Variants in PID1 observed in about 807,000 individuals in gnomAD.
PID1 encodes PTB-containing, cubilin and LRP1-interacting protein.
PID1 carries 10 observed loss-of-function variants against 19.1 expected under a neutral mutation model. The observed-to-expected ratio is 0.52, with a 90% confidence interval of 0.32 to 0.89. The LOEUF is 0.89. PID1 is among the 40% of genes least tolerant of loss of function. The pLI, the probability that PID1 is intolerant of heterozygous loss-of-function variation, is 0.03. For missense variants in PID1, 248 were observed against 285.3 expected, an observed-to-expected ratio of 0.87 and a Z score of 0.94; for synonymous variants, 130 against 116.0, an observed-to-expected ratio of 1.12 and a Z score of -0.78.
intron 2 of PID1, among the ~76,000 whole-genome samples, chr2:229,123,833 A>C (rs909567204): frequency 6.6e-6 from 1 of 152,206 alleles, no homozygotes; most frequent in Non-Finnish European, 1.5e-5. Flanking sequence ...ATGTCTTTTT[A>C]AATCATTTGC....
intron 1 of PID1, among the ~76,000 whole-genome samples, chr2:229,158,938 G>A (rs553958402): frequency 6.6e-6 from 1 of 152,052 alleles, no homozygotes. Flanking sequence ...GTGAAGGGTA[G>A]GGGGGAGCTG....
At chr2:229,036,276 T>C (rs1191938478) in intron 2 of PID1, among the ~76,000 whole-genome samples, 1 of 152,146 alleles carries the variant, frequency 6.6e-6, no homozygotes, top group Non-Finnish European at 1.5e-5. Flanking sequence ...CCTTTATGGT[T>C]GCAATGGCTC....
intron 1 of PID1, among the ~76,000 whole-genome samples, chr2:229,248,784 A>AT (rs1460351755): frequency 6.6e-6 from 1 of 152,178 alleles, no homozygotes; most frequent in Non-Finnish European, 1.5e-5. Context: ...AAGTGCTAAA[A>AT]TCCTCAAAAG....
chr2:229,179,972 A>G (rs1420688918), intron 1 of PID1, among the ~76,000 whole-genome samples: 1 of 152,182 alleles, frequency 6.6e-6, no homozygotes, highest in Admixed American at 6.5e-5. Flanking sequence ...TCCCCCACCC[A>G]GCACAAGACC....
chr2:229,045,867 A>G (rs1272632849), intron 2 of PID1, among the ~76,000 whole-genome samples: 1 of 152,202 alleles, frequency 6.6e-6, no homozygotes. Context: ...TGTCAAGAGC[A>G]GAGAGCCCTT....
chr2:229,042,246 G>A (rs1386517991), intron 2 of PID1, among the ~76,000 whole-genome samples: 2 of 151,846 alleles, frequency 1.3e-5, no homozygotes, highest in African/African-American at 2.4e-5. Context: ...GGGGGAAATG[G>A]GAAAAAGAAA....
intron 2 of PID1, among the ~76,000 whole-genome samples, chr2:229,076,394 T>G (rs949365253): frequency 6.6e-6 from 1 of 152,080 alleles, no homozygotes; most frequent in Non-Finnish European, 1.5e-5. Flanking sequence ...GTTTTTTTTT[T>G]ACTTTTTTTA....
intron 2 of PID1, among the ~76,000 whole-genome samples, chr2:229,089,469 C>T (rs560905104): frequency 1.3e-5 from 2 of 152,264 alleles, no homozygotes; most frequent in Admixed American, 6.5e-5. Flanking sequence ...ATTGGAATAA[C>T]CTTGATCCCT....
At chr2:229,262,346 C>A (rs905917864) in intron 1 of PID1, among the ~76,000 whole-genome samples, 1 of 152,174 alleles carries the variant, frequency 6.6e-6, no homozygotes, top group Non-Finnish European at 1.5e-5. Flanking sequence ...AGCAACACAG[C>A]ACATGTTACA....
intron 2 of PID1, among the ~76,000 whole-genome samples, chr2:229,150,695 C>A (rs926066104): frequency 1.3e-5 from 2 of 152,078 alleles, no homozygotes; most frequent in African/African-American, 4.8e-5. Flanking sequence ...TTGTTTGTTA[C>A]AATATTGCTG....
chr2:229,238,458 A>G (rs1380598521), intron 1 of PID1, among the ~76,000 whole-genome samples: 1 of 152,194 alleles, frequency 6.6e-6, no homozygotes, highest in Admixed American at 6.6e-5. Flanking sequence ...TTTTGAAAGA[A>G]AAGAGGCCAT....
chr2:229,144,381 A>G (rs992845736), intron 2 of PID1, among the ~76,000 whole-genome samples: 1 of 152,140 alleles, frequency 6.6e-6, no homozygotes, highest in African/African-American at 2.4e-5. Flanking sequence ...AGAATACACT[A>G]TGTCATATAA....
At chr2:229,130,150 G>T (rs1689701227) in intron 2 of PID1, among the ~76,000 whole-genome samples, 1 of 152,226 alleles carries the variant, frequency 6.6e-6, no homozygotes, top group South Asian at 2.1e-4. Context: ...AACTTTGGTT[G>T]TAATTAAACT....
At chr2:229,182,037 T>G (rs1245537113) in intron 1 of PID1, among the ~76,000 whole-genome samples, 1 of 152,196 alleles carries the variant, frequency 6.6e-6, no homozygotes, top group Non-Finnish European at 1.5e-5. Context: ...GATTAGTGGT[T>G]GCCAGGGGTT....
chr2:229,144,704 G>A (rs1690090267), intron 2 of PID1, among the ~76,000 whole-genome samples: 2 of 152,086 alleles, frequency 1.3e-5, no homozygotes, highest in Non-Finnish European at 2.9e-5. Flanking sequence ...ATGGGATAAA[G>A]TGTAGTGTTT....
intron 2 of PID1, among the ~76,000 whole-genome samples, chr2:229,142,541 A>T (rs571395973): frequency 6.6e-6 from 1 of 152,314 alleles, no homozygotes; most frequent in South Asian, 2.1e-4. Flanking sequence ...CTACATACCT[A>T]AGCTACATTT....
At chr2:229,206,800 T>G (rs1442817501) in intron 1 of PID1, among the ~76,000 whole-genome samples, 1 of 152,220 alleles carries the variant, frequency 6.6e-6, no homozygotes, top group African/African-American at 2.4e-5. Context: ...AGAGCCTATT[T>G]ATTTCTCTGT....
At position 229,025,881 on chromosome 2, in the gene PID1, G is replaced by A; in HGVS notation, c.405C>T (p.Tyr135=). ...GGCTCACGTTGTGGTCGGCGGTGCA[G>A]TAGGCGATGCGGGCCACCTGGAAGG... ...MDTFQVARIA[Y]CTADHNVSPN... The change falls in exon 3 of 3, where the codon TAC becomes TAT. Residue 135 remains tyrosine, a synonymous_variant. Coordinates refer to ENST00000392055, the MANE Select transcript of PID1 (RefSeq NM_001100818.2). The A allele has an allele frequency of 1.2e-6, 2 of 1,614,238 alleles. No homozygotes were observed. Among genetic ancestry groups the A allele is most frequent in the Non-Finnish European group, 1.7e-6 (2 of 1,180,034 alleles).
chr2:229,254,273 C>CA (rs1464533684), intron 1 of PID1, among the ~76,000 whole-genome samples: 1 of 151,950 alleles, frequency 6.6e-6, no homozygotes, highest in Non-Finnish European at 1.5e-5. Context: ...TGAAGCTGAA[C>CA]AAAAAAACAA....
Sources: gnomAD v4.1 joint callset for allele counts (sites outside exome capture counted in the v4.1 genomes callset) on GRCh38, gnomAD v4.1.1 for gene constraint, MANE v1.5 for transcripts, NCBI Gene and HGNC (gene_info 2026-07-23, HGNC 2026-07-21) for gene names.